Variants in PDE6C observed in about 807,000 individuals in gnomAD.
The protein encoded by PDE6C is cone cGMP-specific 3',5'-cyclic phosphodiesterase subunit alpha'.
A neutral mutation model predicts 113.1 loss-of-function variants in PDE6C; 75 were observed. The observed-to-expected ratio is 0.66, with a 90% CI of 0.55 to 0.80. PDE6C has a LOEUF of 0.80. Among genes scored for constraint, PDE6C ranks in the 30% least tolerant of loss-of-function variants. PDE6C has a pLI of 0.00. For synonymous variants in PDE6C, 375 were observed against 363.7 expected (o/e 1.03, Z -0.35); for missense variants, 912 against 1,038.6 (o/e 0.88, Z 1.67).
chr10:93,642,072 A>G (rs1196656411), intron 14 of PDE6C, among the ~76,000 whole-genome samples: 1 of 152,178 alleles, frequency 6.6e-6, no homozygotes, highest in Non-Finnish European at 1.5e-5. Context: ...GTTAATAAAT[A>G]TTAGGTATGA....
chr10:93,640,690 TG>T, intron 13 of PDE6C, 133 bp downstream of exon 13: 1 of 757,356 alleles, frequency 1.3e-6, no homozygotes, highest in Non-Finnish European at 2.4e-6. Flanking sequence ...CCGCTGCAGA[TG>T]AGTCCCAGTA....
At chr10:93,622,182 A>G in intron 4 of PDE6C, 110 bp downstream of exon 4, 1 of 1,128,010 alleles carries the variant, frequency 8.9e-7, no homozygotes, top group Non-Finnish European at 1.3e-6. Flanking sequence ...ATTAGTCATG[A>G]TTGATGACAA....
At position 93,655,727 on chromosome 10, in the gene PDE6C, G is replaced by T. The variant is rs1054553380; in HGVS notation, c.1936-33G>T. 5.7e-6 allele frequency: 6 copies of T among 1,049,694 alleles called. No individual in the cohort carries two copies. In the African/African-American group the frequency reaches 7.9e-5, roughly 14 times the overall value. 65.0% of individuals were successfully genotyped at this position (1,049,694 alleles called of 1,614,324 possible). ...TTCATTTGTTCAGAGGCAAATTATT[G>T]ATAGCATTTTATTGTGAATTTTCAT... On this transcript the variant is annotated intron_variant, in intron 15 of 21. Transcript: ENST00000371447.
At chr10:93,639,499 T>C (rs145931882) in intron 11 of PDE6C, among the ~76,000 whole-genome samples, 1 of 152,308 alleles carries the variant, frequency 6.6e-6, no homozygotes, top group African/African-American at 2.4e-5. Context: ...AGGGCAATCA[T>C]TGGTTTATCC....
chr10:93,632,432 G>C lies in PDE6C; in HGVS notation c.1120-2326G>C, dbSNP rs529264993. Among the ~76,000 whole-genome samples, 4 of 152,290 alleles carry C rather than the reference G, an allele frequency of 2.6e-5. No homozygotes were observed. In the East Asian group the frequency reaches 5.8e-4, roughly 22 times the overall value. ...CAATTAAAGTGGTCCTAATTCACAG[G>C]AGGAAAAGTGTATAGAATTTCCTCA... On this transcript the variant is annotated intron_variant, in intron 8 of 21. Transcript: ENST00000371447.
chr10:93,658,049 A>G (rs112592867), intron 16 of PDE6C, among the ~76,000 whole-genome samples: 1 of 151,776 alleles, frequency 6.6e-6, no homozygotes, highest in African/African-American at 2.4e-5. Context: ...GCATGCCTGT[A>G]GTCCCACCTA....
At chr10:93,640,253 T>C in intron 12 of PDE6C, 37 bp downstream of exon 12, 1 of 1,582,990 alleles carries the variant, frequency 6.3e-7, no homozygotes. Flanking sequence ...TGTGTGATTC[T>C]GTGGCTCTGC....
intron 11 of PDE6C, among the ~76,000 whole-genome samples, chr10:93,639,045 C>T (rs2058547003): frequency 6.6e-6 from 1 of 152,212 alleles, no homozygotes. Flanking sequence ...TAAGGACATA[C>T]TACACATTCA....
At chr10:93,640,266 C>T in intron 12 of PDE6C, 50 bp downstream of exon 12, 1 of 1,540,052 alleles carries the variant, frequency 6.5e-7, no homozygotes, top group Non-Finnish European at 9.0e-7. Context: ...GGCTCTGCTT[C>T]ACTGATGTTT....
intron 15 of PDE6C, among the ~76,000 whole-genome samples, chr10:93,652,185 G>T (rs1416714004): frequency 6.6e-6 from 1 of 152,156 alleles, no homozygotes; most frequent in Non-Finnish European, 1.5e-5. Context: ...TACCCAAAAT[G>T]TATATCAGAG....
chr10:93,644,659 C>T (rs899069029), intron 14 of PDE6C, among the ~76,000 whole-genome samples: 17 of 150,982 alleles, frequency 1.1e-4, no homozygotes, highest in African/African-American at 4.1e-4. Flanking sequence ...TTTCTTCTAC[C>T]TACCTGTATA....
chr10:93,636,233 A>G lies in PDE6C; in HGVS notation c.1413+593A>G, dbSNP rs1479782244. 2.6e-5 allele frequency among the ~76,000 whole-genome samples: 4 copies of G among 152,240 alleles called. No homozygotes were observed. The East Asian group carries it at 7.7e-4, about 29-fold the overall frequency. ...TCACCAAAATGCTCATTGGCCAAAG[A>G]AAGCCACATCACGAAGACCAACCTT... On this transcript the variant is annotated intron_variant, in intron 10 of 21. Transcript: ENST00000371447.
intron 5 of PDE6C, 89 bp downstream of exon 5, chr10:93,625,738 G>A: frequency 1.2e-6 from 1 of 856,048 alleles, no homozygotes; most frequent in Admixed American, 1.9e-5. Context: ...ACTGGCCTGG[G>A]AAGACCTGGA....
At chr10:93,624,591 T>C (rs1242499838) in intron 4 of PDE6C, among the ~76,000 whole-genome samples, 1 of 152,206 alleles carries the variant, frequency 6.6e-6, no homozygotes, top group Non-Finnish European at 1.5e-5. Flanking sequence ...TCAGAGTAAT[T>C]GTTCTAAGTG....
At chr10:93,629,089 G>GAATGAGTTGTTA (rs2134601260) in intron 7 of PDE6C, among the ~76,000 whole-genome samples, 169 bp from the exon 8 acceptor site, 1 of 152,278 alleles carries the variant, frequency 6.6e-6, no homozygotes, top group South Asian at 2.1e-4. Context: ...AAGCCATCTT[G>GAATGAGTTGTTA]AATGAGTTGT....
intron 5 of PDE6C, among the ~76,000 whole-genome samples, chr10:93,626,319 A>T (rs1345616718): frequency 6.6e-6 from 1 of 152,220 alleles, no homozygotes; most frequent in African/African-American, 2.4e-5. Context: ...AACAAAAGGG[A>T]TCACTTGAAA....
chr10:93,659,979 G>C (rs2058658703), intron 18 of PDE6C, among the ~76,000 whole-genome samples: 1 of 152,160 alleles, frequency 6.6e-6, no homozygotes, highest in Admixed American at 6.5e-5. Context: ...CCTTGGGGAG[G>C]CACTAGTCTA....
chr10:93,636,365 G>T (rs377610363), intron 10 of PDE6C, among the ~76,000 whole-genome samples: 9 of 23,394 alleles, frequency 3.8e-4, no homozygotes, highest in Non-Finnish European at 3.8e-4. Context: ...TATTTCCCTG[G>T]CTTTGTGTGT....
chr10:93,655,080 T>A (rs1183370198), intron 15 of PDE6C, among the ~76,000 whole-genome samples: 1 of 152,028 alleles, frequency 6.6e-6, no homozygotes, highest in Admixed American at 6.6e-5. Flanking sequence ...CCTCCCAAAG[T>A]GCTACAAGCA....
Sources: gnomAD v4.1 joint callset for allele counts (sites outside exome capture counted in the v4.1 genomes callset) on GRCh38, gnomAD v4.1.1 for gene constraint, MANE v1.5 for transcripts, NCBI Gene and HGNC (gene_info 2026-07-23, HGNC 2026-07-21) for gene names.